Variants in TTC21B observed in about 807,000 individuals in gnomAD.
TTC21B encodes tetratricopeptide repeat protein 21B.
A neutral mutation model predicts 175.1 loss-of-function variants in TTC21B; 127 were observed. The ratio of observed to expected loss-of-function variants is 0.73; its 90% CI spans 0.63 to 0.84. TTC21B has a LOEUF of 0.84. Ranked by LOEUF, TTC21B falls within the 40% of genes least tolerant of loss-of-function variation. The pLI, the probability that TTC21B is intolerant of heterozygous loss-of-function variation, is 0.00. For synonymous variants in TTC21B, 524 were observed against 524.5 expected (o/e 1.00, Z 0.01); for missense variants, 1,561 against 1,558.3 (o/e 1.00, Z -0.03).
intron 1 of TTC21B, among the ~76,000 whole-genome samples, chr2:165,952,737 C>T (rs1362687642): frequency 1.3e-5 from 2 of 152,190 alleles, no homozygotes; most frequent in Non-Finnish European, 2.9e-5. Context: ...TCAGCATTCC[C>T]TAACCTCCTA....
At chr2:165,946,132 T>C (rs1156771119) in intron 3 of TTC21B, among the ~76,000 whole-genome samples, 2 of 145,476 alleles carry the variant, frequency 1.4e-5, no homozygotes. Flanking sequence ...GAGACCATCC[T>C]GGCTAGCACG....
intron 22 of TTC21B, 74 bp from the exon 23 acceptor site, chr2:165,891,062 T>C (rs1685175708): frequency 7.8e-7 from 1 of 1,279,852 alleles, no homozygotes; most frequent in Non-Finnish European, 1.1e-6. Context: ...TTCTACTTCA[T>C]TAGAGTATAA....
At chr2:165,952,776 T>C (rs1054442949) in intron 1 of TTC21B, among the ~76,000 whole-genome samples, 2 of 152,228 alleles carry the variant, frequency 1.3e-5, no homozygotes, top group Non-Finnish European at 1.5e-5. Flanking sequence ...CATCCACTTA[T>C]CACCATCTCA....
rs10198692 is a variant in TTC21B, at chr2:165,914,871, T to C, written c.2138+330A>G. Reference sequence around the variant, plus strand: ...ATACACCTGCCTATCCCGTAGATTATTGTTATATTACATGATGCTCTTAAG... The same window carrying C: ...ATACACCTGCCTATCCCGTAGATTACTGTTATATTACATGATGCTCTTAAG... On this transcript the variant is annotated intron_variant, in intron 15 of 28. Transcript: ENST00000243344. Among the ~76,000 whole-genome samples the C allele has an allele frequency of 0.99, 151,042 of 152,186 alleles. 74,958 individuals carry two copies. The highest frequency in any genetic ancestry group is 1 in the Middle Eastern group (294 of 294).
At chr2:165,892,357 G>T (rs941134137) in intron 22 of TTC21B, among the ~76,000 whole-genome samples, 1 of 152,068 alleles carries the variant, frequency 6.6e-6, no homozygotes. Context: ...CAACTTTCCT[G>T]AGTATATACC....
At chr2:165,947,073 T>C (rs1687595884) in intron 3 of TTC21B, 1 of 149,032 alleles carries the variant, frequency 6.7e-6, no homozygotes, top group Non-Finnish European at 1.5e-5. Context: ...GATGGCATAA[T>C]TGCTGTTATA....
Position 165,932,960 on chromosome 2 carries a change from C to G in TTC21B, c.795+13G>C, listed in dbSNP as rs1296217246. The G allele has an allele frequency of 6.2e-7, 1 of 1,606,836 alleles. No individual in the cohort carries two copies. Among genetic ancestry groups the G allele is most frequent in the African/African-American group, 1.3e-5 (1 of 74,776 alleles). The stretch of plus-strand genomic sequence containing the variant: ...TTTAATATAGGAAACTTAAATAATA[C>G]AATGCCACTTACCTTCTCTATATCC... On this transcript the variant is annotated intron_variant, in intron 7 of 28. Transcript: ENST00000243344.
chr2:165,917,023 C>T (rs1686199614), intron 14 of TTC21B, among the ~76,000 whole-genome samples: 1 of 151,978 alleles, frequency 6.6e-6, no homozygotes, highest in Admixed American at 6.6e-5. Flanking sequence ...ACTACAGGTG[C>T]GCACTACCAC....
chr2:165,922,566 C>CAAAAAAAAA (rs71031215), intron 12 of TTC21B, among the ~76,000 whole-genome samples: 1 of 97,428 alleles, frequency 1.0e-5, no homozygotes, highest in African/African-American at 3.9e-5. Flanking sequence ...ATTAAAAAGT[C>CAAAAAAAAA]AAAAAAAAAA....
intron 11 of TTC21B, among the ~76,000 whole-genome samples, chr2:165,925,353 C>G (rs1686590002): frequency 6.6e-6 from 1 of 152,028 alleles, no homozygotes; most frequent in African/African-American, 2.4e-5. Flanking sequence ...GGCTGTCTAC[C>G]CAACCAACTT....
intron 22 of TTC21B, among the ~76,000 whole-genome samples, chr2:165,892,812 C>T (rs756076740): frequency 6.6e-5 from 10 of 152,048 alleles, no homozygotes; most frequent in Admixed American, 1.3e-4. Context: ...CACAACAATG[C>T]GAATGCATTT....
At chr2:165,943,457 T>C (rs574294537) in intron 4 of TTC21B, 116 bp from the exon 5 acceptor site, 164 of 809,070 alleles carry the variant, frequency 2.0e-4, no homozygotes, top group Non-Finnish European at 2.8e-4. Flanking sequence ...CTATCAAATA[T>C]GTTATGAACA....
At chr2:165,940,057 T>C (rs1483513217) in intron 6 of TTC21B, among the ~76,000 whole-genome samples, 1 of 152,176 alleles carries the variant, frequency 6.6e-6, no homozygotes, top group African/African-American at 2.4e-5. Flanking sequence ...AACAGTTCAT[T>C]ATCATCATTG....
intron 19 of TTC21B, among the ~76,000 whole-genome samples, chr2:165,907,433 C>T (rs1685776407): frequency 6.6e-6 from 1 of 152,136 alleles, no homozygotes; most frequent in Non-Finnish European, 1.5e-5. Flanking sequence ...TGACTTCACA[C>T]AAGTTAATCA....
rs569108937 is a variant in TTC21B at position 165,928,424 on chromosome 2, G to GTC, written c.1386+709_1386+710dup. On this transcript the variant is annotated intron_variant, in intron 11 of 28. Transcript: ENST00000243344. ...GACTTCCAGAATAAGGGAGGAAAAGGTCTACTCTAGTTCTTGCAGGTCAAA... is the reference window on the plus strand; with the variant it reads ...GACTTCCAGAATAAGGGAGGAAAAGGTCTCTACTCTAGTTCTTGCAGGTCAAA... Among the ~76,000 whole-genome samples, 22 of 152,184 alleles carry GTC rather than the reference G, an allele frequency of 1.4e-4. No individual in the cohort carries two copies. The East Asian group carries it at 4.2e-3, about 29-fold the overall frequency.
chr2:165,927,679 T>C (rs549398036), intron 11 of TTC21B, among the ~76,000 whole-genome samples: 8 of 151,094 alleles, frequency 5.3e-5, no homozygotes, highest in African/African-American at 1.7e-4. Context: ...CTGAAAAAAA[T>C]GTATTCCAAC....
intron 22 of TTC21B, among the ~76,000 whole-genome samples, chr2:165,892,181 T>C (rs1685217183): frequency 6.6e-6 from 1 of 152,190 alleles, no homozygotes; most frequent in Non-Finnish European, 1.5e-5. Context: ...AGTACAGGAC[T>C]AGGGATTTGT....
At chr2:165,878,472 T>G (rs1291935199) in intron 27 of TTC21B, among the ~76,000 whole-genome samples, 1 of 152,084 alleles carries the variant, frequency 6.6e-6, no homozygotes, top group East Asian at 1.9e-4. Flanking sequence ...GTTCCTAGTG[T>G]GTTTCTTTTT....
Position 165,929,686 on chromosome 2 carries a change from A to G in TTC21B, c.1149T>C (p.Phe383=). The part of the protein sequence containing the change: ...QLQDADQQLE[F]LNEIQQSIGK... The stretch of plus-strand genomic sequence containing the variant: ...CAATGGATTGCTGGATTTCATTTAA[A>G]AATTCTAGCTGCTGATCTGCATCCT... Residue 383 remains phenylalanine, a synonymous_variant, in exon 10 of 29, where the codon TTT becomes TTC. Transcript: ENST00000243344. 6.2e-7 allele frequency: 1 copy of G among 1,612,934 alleles called. No homozygotes were observed. The highest frequency in any genetic ancestry group is 8.5e-7 in the Non-Finnish European group (1 of 1,179,266).
Sources: gnomAD v4.1 joint callset for allele counts (sites outside exome capture counted in the v4.1 genomes callset) on GRCh38, gnomAD v4.1.1 for gene constraint, MANE v1.5 for transcripts, NCBI Gene and HGNC (gene_info 2026-07-23, HGNC 2026-07-21) for gene names.